The following TDRD12 variants were observed in gnomAD, a reference collection of about 807,000 sequenced individuals.
The protein encoded by TDRD12 is tudor domain containing 12.
A neutral mutation model predicts 133.5 loss-of-function variants in TDRD12; 158 were observed. The observed-to-expected ratio is 1.18, with a 90% CI of 1.04 to 1.35. The LOEUF (loss-of-function observed/expected upper bound fraction) is 1.35. Among genes scored for constraint, TDRD12 ranks in the 40% most tolerant of loss-of-function variants. The pLI is 0.00. For missense variants in TDRD12, 1,443 were observed against 1,321.3 expected, an observed-to-expected ratio of 1.09 and a Z score of -1.43; for synonymous variants, 460 against 477.9, an observed-to-expected ratio of 0.96 and a Z score of 0.49.
intron 1 of TDRD12, among the ~76,000 whole-genome samples, chr19:32,726,051 G>A (rs1271946648): frequency 6.6e-6 from 1 of 151,716 alleles, no homozygotes; most frequent in African/African-American, 2.4e-5. Context: ...CCATTTTTAA[G>A]TGTACAGTTC....
At chr19:32,814,742 C>G (rs1967118130) in intron 25 of TDRD12, among the ~76,000 whole-genome samples, 1 of 152,172 alleles carries the variant, frequency 6.6e-6, no homozygotes, top group Non-Finnish European at 1.5e-5. Context: ...CAGACCCACC[C>G]TCACCATCTC....
At chr19:32,795,795 C>G (rs544512365) in intron 14 of TDRD12, among the ~76,000 whole-genome samples, 1 of 152,178 alleles carries the variant, frequency 6.6e-6, no homozygotes, top group Non-Finnish European at 1.5e-5. Context: ...AGGAAACTCA[C>G]AATCATTGCA....
intron 5 of TDRD12, 72 bp downstream of exon 5, chr19:32,748,603 C>A (rs559142813): frequency 1.4e-6 from 2 of 1,470,972 alleles, no homozygotes; most frequent in African/African-American, 1.4e-5. Context: ...CTGCTGCTGG[C>A]GGGGGTTGGA....
At chr19:32,790,637 TG>T in intron 12 of TDRD12, 46 bp downstream of exon 12, 2 of 1,551,520 alleles carry the variant, frequency 1.3e-6, no homozygotes, top group Non-Finnish European at 8.7e-7. Context: ...GAGAAAAAAC[TG>T]TTTATTCTTT....
At chr19:32,815,527 T>C (rs775348675) in exon 26 of TDRD12, 134 of 1,536,348 alleles carry the variant, frequency 8.7e-5, no homozygotes, top group Non-Finnish European at 1.1e-4. Context: ...TCCATGGGCA[T>C]GGGCATTGAT....
In TDRD12 at chr19:32,799,210, G is replaced by T. The variant is rs554801240; in HGVS notation, c.1758+775G>T. Among the ~76,000 whole-genome samples the T allele has an allele frequency of 6.6e-4, 99 of 150,910 alleles. 1 individual carries two copies. The highest frequency in any genetic ancestry group is 1.6e-4 in the Non-Finnish European group (11 of 67,952). ...AATGATGGCCCCAGTTTTGAGTCCA[G>T]GCTTTGTTACTGACTATGAGGCGGT... On this transcript the variant is annotated intron_variant, in intron 16 of 27. Coordinates refer to ENST00000444215, the Ensembl canonical transcript of TDRD12.
At chr19:32,749,268 G>A (rs1969750389) in intron 5 of TDRD12, among the ~76,000 whole-genome samples, 1 of 152,120 alleles carries the variant, frequency 6.6e-6, no homozygotes, top group Admixed American at 6.6e-5. Flanking sequence ...GAGGAGGCCG[G>A]CCACTTAGTC....
chr19:32,725,129 A>G (rs530753320), intron 1 of TDRD12, among the ~76,000 whole-genome samples: 10 of 152,206 alleles, frequency 6.6e-5, no homozygotes, highest in African/African-American at 2.4e-4. Context: ...AGATGGAAAG[A>G]TTGCAAAAAT....
At chr19:32,806,210 G>A (rs1334925969) in intron 21 of TDRD12, among the ~76,000 whole-genome samples, 1 of 152,122 alleles carries the variant, frequency 6.6e-6, no homozygotes, top group Non-Finnish European at 1.5e-5. Context: ...CTGAGGCTGG[G>A]GCATGGGTGC....
intron 22 of TDRD12, among the ~76,000 whole-genome samples, chr19:32,809,093 A>G (rs1015181389): frequency 6.6e-6 from 1 of 152,212 alleles, no homozygotes. Flanking sequence ...CTGATTTCAC[A>G]GAGTTCCCAT....
At chr19:32,749,893 A>G (rs1183074077) in intron 6 of TDRD12, 24 bp downstream of exon 6, 2 of 1,434,992 alleles carry the variant, frequency 1.4e-6, no homozygotes, top group Non-Finnish European at 1.9e-6. Flanking sequence ...TTGTATTTTT[A>G]TAATATTTCA....
rs1339529011 is a variant in TDRD12 at position 32,720,113 on chromosome 19, C to A, written c.24+17C>A. On this transcript the variant is annotated intron_variant, in intron 1 of 27. Transcript: ENST00000444215. ...GTGCTGAAGGTGAGCGCCGCCAAGC[C>A]AGACCCACGCCAGACCCACGCAGTC... 6.5e-7 allele frequency: 1 copy of A among 1,546,212 alleles called. No individual in the cohort carries two copies. The highest frequency in any genetic ancestry group is 2.5e-5 in the East Asian group (1 of 40,768).
In TDRD12 at chr19:32,733,260, G is replaced by A. The variant is rs145449295; in HGVS notation, c.183+1377G>A. Among the ~76,000 whole-genome samples, 1,223 of 152,330 alleles carry A rather than the reference G, an allele frequency of 8.0e-3. 15 individuals are homozygous for A. The highest frequency in any genetic ancestry group is 0.028 in the African/African-American group (1,159 of 41,582). On this transcript the variant is annotated intron_variant, in intron 2 of 27. Transcript: ENST00000444215. ...GAGGCAGGTGGATCACCTGAGGTCAGGAGTTCGAGACCAGCCTGGCCAACA... is the reference window on the plus strand; with the variant it reads ...GAGGCAGGTGGATCACCTGAGGTCAAGAGTTCGAGACCAGCCTGGCCAACA...
chr19:32,803,667 C>A (rs1971463562), intron 21 of TDRD12, among the ~76,000 whole-genome samples: 1 of 152,180 alleles, frequency 6.6e-6, no homozygotes, highest in African/African-American at 2.4e-5. Context: ...GCGTTTAACT[C>A]TTCCAAAGCG....
intron 8 of TDRD12, among the ~76,000 whole-genome samples, chr19:32,766,397 A>G (rs965028043): frequency 6.6e-6 from 1 of 152,170 alleles, no homozygotes; most frequent in African/African-American, 2.4e-5. Flanking sequence ...TCTTTAAGTT[A>G]TTTAAGACTT....
intron 4 of TDRD12, among the ~76,000 whole-genome samples, chr19:32,747,825 A>G (rs964873149): frequency 5.9e-5 from 9 of 152,046 alleles, no homozygotes; most frequent in Non-Finnish European, 1.2e-4. Context: ...CCTGAGCAAC[A>G]TAGCTAGACC....
intron 11 of TDRD12, among the ~76,000 whole-genome samples, chr19:32,785,067 T>C (rs989252896): frequency 2.6e-5 from 4 of 152,222 alleles, no homozygotes; most frequent in Admixed American, 1.3e-4. Context: ...GTTCTCTTAA[T>C]TGTGATGTTA....
At chr19:32,815,424 G>A in intron 25 of TDRD12, 24 bp from the exon 26 acceptor site, 1 of 1,520,910 alleles carries the variant, frequency 6.6e-7, no homozygotes, top group Non-Finnish European at 8.8e-7. Flanking sequence ...TACTGCTAAT[G>A]TTCAATTTTT....
At chr19:32,822,571 C>T (rs1414148753), downstream of TDRD12, among the ~76,000 whole-genome samples, 2 of 152,044 alleles carry the variant, frequency 1.3e-5, no homozygotes, top group Non-Finnish European at 2.9e-5. Context: ...CACGGTGAAA[C>T]CCCGTCTCTA....
Sources: allele counts gnomAD v4.1 joint callset (sites outside exome capture counted in the v4.1 genomes callset), GRCh38; gene constraint gnomAD v4.1.1; transcripts MANE v1.5; gene names NCBI Gene and HGNC (gene_info 2026-07-23, HGNC 2026-07-21).